Variants in IFIT3 observed in about 807,000 individuals in gnomAD.
IFIT3 encodes interferon induced protein with tetratricopeptide repeats 3.
In IFIT3, 2 loss-of-function variants were observed where a neutral mutation model predicts 2.4. That is an observed-to-expected ratio of 0.82 (90% CI 0.34 to 2.60). IFIT3 has a LOEUF of 2.60. IFIT3 is among the 30% of genes most tolerant of loss of function. The pLI is 0.11. For missense variants in IFIT3, 481 were observed against 562.4 expected, an observed-to-expected ratio of 0.86 and a Z score of 1.46; for synonymous variants, 203 against 212.1, an observed-to-expected ratio of 0.96 and a Z score of 0.37.
chr10:89,337,690 T>C (rs1479897911), intron 1 of IFIT3, among the ~76,000 whole-genome samples: 1 of 152,240 alleles, frequency 6.6e-6, no homozygotes, highest in Non-Finnish European at 1.5e-5. Flanking sequence ...TGAGTCACCA[T>C]TCCTGGCTGA....
rs112078574 is a variant in IFIT3, at chr10:89,329,893, G to T, written c.5+1815G>T. ...GTCAGGGAAGGGAGATAGGGGTGGG[G>T]CCATTTTATAAGATTTGGGTAGGTA... On this transcript the variant is annotated intron_variant, in intron 1 of 1. Coordinates refer to ENST00000371818, the MANE Select transcript of IFIT3 (RefSeq NM_001549.6). Among the ~76,000 whole-genome samples, 814 of 152,162 alleles carry T rather than the reference G, an allele frequency of 5.3e-3. 7 individuals carry two copies. Among genetic ancestry groups the T allele is most frequent in the African/African-American group, 0.018 (760 of 41,492 alleles).
chr10:89,336,117 AAAGG>A (rs540213727), intron 1 of IFIT3, among the ~76,000 whole-genome samples: 146 of 149,046 alleles, frequency 9.8e-4, no homozygotes, highest in African/African-American at 3.4e-3. Flanking sequence ...CTCTGCAAAA[AAAGG>A]AAGGAAGGGA....
intron 1 of IFIT3, 28 bp downstream of exon 1, chr10:89,328,106 G>C: frequency 6.2e-7 from 1 of 1,611,680 alleles, no homozygotes; most frequent in South Asian, 1.1e-5. Flanking sequence ...GCATAATCAT[G>C]CTTGTTTTTG....
chr10:89,328,456 T>C (rs1219636040), intron 1 of IFIT3, among the ~76,000 whole-genome samples: 1 of 152,218 alleles, frequency 6.6e-6, no homozygotes, highest in Non-Finnish European at 1.5e-5. Context: ...AATTACTCTT[T>C]TGGGTTTTTC....
chr10:89,331,858 CA>C (rs10540155), intron 1 of IFIT3, among the ~76,000 whole-genome samples: 5,218 of 80,618 alleles, frequency 0.065, 109 homozygotes, highest in African/African-American at 0.14. Flanking sequence ...GATCCTGTCT[CA>C]AAAAAAAAAA....
In IFIT3 at chr10:89,339,120, G is replaced by A. The variant is rs34847428; in HGVS notation, c.465G>A (p.Ala155=). 26,233 of 1,614,028 alleles carry A rather than the reference G, an allele frequency of 0.016. 321 individuals carry two copies. Among genetic ancestry groups the A allele is most frequent in the South Asian group, 0.039 (3,583 of 91,070 alleles). Residue 155 remains alanine (A), a synonymous_variant, in exon 2 of 2, where the codon GCG becomes GCA. Coordinates refer to ENST00000371818, the MANE Select transcript of IFIT3 (RefSeq NM_001549.6). ...TQLKCGRNER[A]KVCFEKALEE... ...TGAAGTGTGGAAGAAATGAAAGGGC[G>A]AAGGTGTGTTTTGAGAAGGCTCTGG...
chr10:89,335,191 A>C (rs1445753736), intron 1 of IFIT3: 4 of 152,196 alleles, frequency 2.6e-5, no homozygotes, highest in African/African-American at 7.2e-5. Flanking sequence ...CCCAATTTTC[A>C]GTGGGTTTTA....
chr10:89,337,767 C>T (rs554556348), intron 1 of IFIT3, among the ~76,000 whole-genome samples: 1 of 152,334 alleles, frequency 6.6e-6, no homozygotes, highest in African/African-American at 2.4e-5. Flanking sequence ...TCTTACCCAT[C>T]TTACCTCACC....
In IFIT3 at chr10:89,340,968, A is replaced by G. The variant is rs575616545; in HGVS notation, c.*840A>G. The stretch of plus-strand genomic sequence containing the variant: ...TAAATCCAAACATTTCAACTCTGTT[A>G]GAATAGAGGTAATTGTGTGGTTTGT... On this transcript the variant is annotated 3_prime_UTR_variant, in exon 2 of 2. Coordinates refer to ENST00000371818, the MANE Select transcript of IFIT3 (RefSeq NM_001549.6). The G allele has an allele frequency of 1.3e-5, 2 of 152,358 alleles. No homozygotes were observed. The highest frequency in any genetic ancestry group is 3.9e-4 in the East Asian group (2 of 5,192). The allele number at this position is 152,358 out of a possible 1,614,324, so 9.4% of individuals were successfully genotyped here. A position where few individuals can be genotyped will look rare whatever the true frequency, so the allele number is the denominator to read the frequency against.
chr10:89,328,512 T>TC (rs57402565), intron 1 of IFIT3, among the ~76,000 whole-genome samples: 10,143 of 152,280 alleles, frequency 0.067, 773 homozygotes, highest in African/African-American at 0.19. Context: ...AGGCTTTTTT[T>TC]CTTGTAATTT....
At chr10:89,332,799 A>T (rs1291889585) in intron 1 of IFIT3, among the ~76,000 whole-genome samples, 1 of 152,178 alleles carries the variant, frequency 6.6e-6, no homozygotes, top group Non-Finnish European at 1.5e-5. Context: ...TGATGTATAG[A>T]GTTAGGCAGC....
At chr10:89,336,530 AGCGGTGTGAGGG>A (rs897178934) in intron 1 of IFIT3, among the ~76,000 whole-genome samples, 4 of 152,224 alleles carry the variant, frequency 2.6e-5, no homozygotes, top group African/African-American at 9.6e-5. Flanking sequence ...CACTTGCAGT[AGCGGTGTGAGGG>A]CCAGTGCTCG....
chr10:89,338,842 C>T lies in IFIT3; in HGVS notation c.187C>T (p.Leu63=), dbSNP rs1039219396. Residue 63 remains leucine, a synonymous_variant, in exon 2 of 2, where the codon CTA becomes TTA. Coordinates refer to ENST00000371818, the MANE Select transcript of IFIT3 (RefSeq NM_001549.6). ...CAACTTGTTGGCCTACATAAAACAC[C>T]TAGATGGTAACAACGAGGCAGCCCT... The part of the protein sequence containing the change: ...MYNLLAYIKH[L]DGNNEAALEC... The T allele has an allele frequency of 1.2e-6, 2 of 1,613,964 alleles. No homozygotes were observed. Among genetic ancestry groups the T allele is most frequent in the Middle Eastern group, 1.6e-4 (1 of 6,084 alleles).
rs542426129 is a variant in IFIT3 at position 89,339,809 on chromosome 10, G to A, written c.1154G>A (p.Gly385Asp). The change falls in exon 2 of 2, where the codon GGT becomes GAT. Residue 385 changes from glycine (G) to aspartate (D), a missense_variant. Transcript: ENST00000371818. ...ACTGCTGTGCAACATGGTTTAGAGG[G>A]TTTGTCCATAAGCAAAAAATCAACT... is the stretch of plus-strand genomic sequence containing the variant. ...EDTAVQHGLE[G>D]LSISKKSTDK... The A allele has an allele frequency of 1.9e-6, 3 of 1,614,176 alleles. No individual in the cohort carries two copies. The highest frequency in any genetic ancestry group is 2.5e-6 in the Non-Finnish European group (3 of 1,180,022).
rs142684332 is a variant in IFIT3, at chr10:89,338,664, G to A, written c.9G>A (p.Glu3=). The change falls in exon 2 of 2, where the codon GAG becomes GAA. Residue 3 remains glutamate, a synonymous_variant. Coordinates refer to ENST00000371818, the MANE Select transcript of IFIT3 (RefSeq NM_001549.6). MS[E]VTKNSLEKIL... is the part of the protein sequence containing the mutation. ...ACCATGTTTATTTTCTCCACAGTGAGGTCACCAAGAATTCCCTGGAGAAAA... is the reference window on the plus strand; with the variant it reads ...ACCATGTTTATTTTCTCCACAGTGAAGTCACCAAGAATTCCCTGGAGAAAA... 84 of 1,610,044 alleles carry A rather than the reference G, an allele frequency of 5.2e-5. No individual in the cohort carries two copies. In the African/African-American group the frequency reaches 9.2e-4, roughly 18 times the overall value.
intron 1 of IFIT3, among the ~76,000 whole-genome samples, chr10:89,336,095 G>A (rs1308962892): frequency 2.7e-5 from 4 of 146,282 alleles, no homozygotes; most frequent in Non-Finnish European, 4.5e-5. Flanking sequence ...GGGCAATATA[G>A]TGAGACCCTG....
intron 1 of IFIT3, among the ~76,000 whole-genome samples, chr10:89,336,167 AGG>A (rs1843736289): frequency 8.4e-6 from 1 of 119,738 alleles, no homozygotes; most frequent in African/African-American, 3.2e-5. Flanking sequence ...GAAGGGAGGG[AGG>A]GAGGGAAGGA....
chr10:89,333,778 C>G (rs1204959557), intron 1 of IFIT3, among the ~76,000 whole-genome samples: 1 of 152,206 alleles, frequency 6.6e-6, no homozygotes, highest in Non-Finnish European at 1.5e-5. Flanking sequence ...CTTCCCAGAG[C>G]CTTGCTGCTC....
intron 1 of IFIT3, among the ~76,000 whole-genome samples, chr10:89,334,286 T>C (rs1043524721): frequency 6.6e-6 from 1 of 152,068 alleles, no homozygotes; most frequent in Non-Finnish European, 1.5e-5. Context: ...CTAGCAGCAC[T>C]AGCTTTAACT....
Sources: gnomAD v4.1 joint callset for allele counts (sites outside exome capture counted in the v4.1 genomes callset) on GRCh38, gnomAD v4.1.1 for gene constraint, MANE v1.5 for transcripts, NCBI Gene and HGNC (gene_info 2026-07-23, HGNC 2026-07-21) for gene names.